The following AGBL4 variants were observed in gnomAD, a reference collection of about 807,000 sequenced individuals.
AGBL4 encodes cytosolic carboxypeptidase 6.
AGBL4 carries 58 observed loss-of-function variants against 66.4 expected under a neutral mutation model. The ratio of observed to expected loss-of-function variants is 0.87; its 90% CI spans 0.71 to 1.09. The LOEUF (loss-of-function observed/expected upper bound fraction) is 1.09, where lower values mean the gene tolerates loss of function less well. Among genes scored for constraint, AGBL4 ranks in the 50% least tolerant of loss-of-function variants. The probability of loss-of-function intolerance (pLI) is 0.00; values close to 1 mark genes in which losing one functional copy is unlikely to be tolerated. For synonymous variants in AGBL4, 234 were observed against 222.9 expected, an observed-to-expected ratio of 1.05 and a Z score of -0.44; for missense variants, 579 against 631.0, an observed-to-expected ratio of 0.92 and a Z score of 0.88.
chr1:49,434,276 G>T (rs1645851230), intron 3 of AGBL4, among the ~76,000 whole-genome samples: 1 of 152,066 alleles, frequency 6.6e-6, no homozygotes, highest in Admixed American at 6.6e-5. Flanking sequence ...GAAGATTGCT[G>T]GATTGGTGGA....
At chr1:49,995,396 C>A (rs1384926189) in intron 1 of AGBL4, 1 of 422,008 alleles carries the variant, frequency 2.4e-6, no homozygotes. Flanking sequence ...TCCCTGGCCA[C>A]CTGTATGATG....
intron 5 of AGBL4, among the ~76,000 whole-genome samples, chr1:48,939,294 G>A (rs916594410): frequency 2.6e-5 from 4 of 152,314 alleles, no homozygotes; most frequent in South Asian, 2.1e-4. Context: ...ATCACATAAC[G>A]TGTAGACAGG....
chr1:49,544,050 C>T (rs1487591711), intron 3 of AGBL4, among the ~76,000 whole-genome samples: 1 of 152,182 alleles, frequency 6.6e-6, no homozygotes, highest in Non-Finnish European at 1.5e-5. Context: ...TGACACTGTG[C>T]CTGCGCTGCC....
chr1:49,609,473 T>TA (rs34332675), intron 3 of AGBL4, among the ~76,000 whole-genome samples: 2 of 152,028 alleles, frequency 1.3e-5, no homozygotes, highest in Non-Finnish European at 2.9e-5. Context: ...AATCAAAGGG[T>TA]AAAAAGGCAC....
At chr1:49,660,937 A>T (rs1646257097) in intron 3 of AGBL4, among the ~76,000 whole-genome samples, 1 of 151,324 alleles carries the variant, frequency 6.6e-6, no homozygotes. Flanking sequence ...AACAACACAC[A>T]CTGTGGCCTG....
intron 4 of AGBL4, among the ~76,000 whole-genome samples, chr1:49,204,442 GAA>G (rs951251187): frequency 1.4e-4 from 20 of 146,796 alleles, no homozygotes; most frequent in African/African-American, 5.0e-4. Context: ...GGCTAGTTAA[GAA>G]AAAAAAAAAT....
chr1:49,745,069 T>C lies in AGBL4; in HGVS notation c.158-47632A>G, dbSNP rs137938652. On this transcript the variant is annotated intron_variant, in intron 2 of 13. Coordinates refer to ENST00000371839, the MANE Select transcript of AGBL4 (RefSeq NM_032785.4). ...ATATAAATTCTACTTCATCATTCAT[T>C]AAATTAAATGTAAATGGATTAAGCA... Among the ~76,000 whole-genome samples, 59 of 152,210 alleles carry C rather than the reference T, an allele frequency of 3.9e-4. 1 individual carries two copies. In the East Asian group the frequency reaches 0.011, roughly 28 times the overall value.
At chr1:48,899,896 T>A (rs1651918116) in intron 5 of AGBL4, among the ~76,000 whole-genome samples, 1 of 152,184 alleles carries the variant, frequency 6.6e-6, no homozygotes, top group African/African-American at 2.4e-5. Flanking sequence ...TGTATATGAT[T>A]TCACCCTTTA....
At chr1:49,227,286 T>C (rs1242284428) in intron 4 of AGBL4, among the ~76,000 whole-genome samples, 1 of 152,242 alleles carries the variant, frequency 6.6e-6, no homozygotes, top group Non-Finnish European at 1.5e-5. Flanking sequence ...ATGGTGTTGA[T>C]ACACAATAGG....
chr1:49,755,273 G>A (rs1651806624), intron 2 of AGBL4, among the ~76,000 whole-genome samples: 1 of 151,956 alleles, frequency 6.6e-6, no homozygotes, highest in Non-Finnish European at 1.5e-5. Context: ...TCCTAATTAA[G>A]AATATGATCT....
At chr1:49,060,467 A>G (rs954713258) in intron 4 of AGBL4, among the ~76,000 whole-genome samples, 1 of 152,136 alleles carries the variant, frequency 6.6e-6, no homozygotes, top group African/African-American at 2.4e-5. Context: ...GCCTCATGAG[A>G]TAAGAGATTT....
intron 3 of AGBL4, among the ~76,000 whole-genome samples, chr1:49,547,144 A>T (rs1570998380): frequency 6.6e-6 from 1 of 152,156 alleles, no homozygotes; most frequent in East Asian, 1.9e-4. Context: ...CATGTCTTAG[A>T]TTTAATCCTT....
At chr1:49,093,021 A>G (rs545785599) in intron 4 of AGBL4, among the ~76,000 whole-genome samples, 1 of 152,152 alleles carries the variant, frequency 6.6e-6, no homozygotes, top group East Asian at 1.9e-4. Flanking sequence ...GGGAAAAGAC[A>G]TAAAATCCTG....
intron 11 of AGBL4, among the ~76,000 whole-genome samples, chr1:48,554,295 T>G (rs1472651030): frequency 3.3e-5 from 5 of 152,166 alleles, no homozygotes; most frequent in Non-Finnish European, 5.9e-5. Flanking sequence ...AGACCTATAT[T>G]TGAGCAACAG....
At chr1:49,841,549 A>G (rs1291678552) in intron 2 of AGBL4, among the ~76,000 whole-genome samples, 6 of 152,192 alleles carry the variant, frequency 3.9e-5, no homozygotes, top group Non-Finnish European at 8.8e-5. Context: ...ATCCTAAGAA[A>G]AAAGAACAAG....
intron 3 of AGBL4, among the ~76,000 whole-genome samples, chr1:49,566,239 G>T (rs548359079): frequency 6.6e-6 from 1 of 152,032 alleles, no homozygotes; most frequent in East Asian, 1.9e-4. Flanking sequence ...TTTGCCATTG[G>T]TTCGAATTTC....
At chr1:49,777,014 T>C (rs1644214343) in intron 2 of AGBL4, among the ~76,000 whole-genome samples, 2 of 152,150 alleles carry the variant, frequency 1.3e-5, no homozygotes, top group Admixed American at 6.6e-5. Context: ...ATTCAATAAA[T>C]ATTTATTAAA....
chr1:49,394,450 A>T (rs912420296), intron 3 of AGBL4, among the ~76,000 whole-genome samples: 1 of 152,082 alleles, frequency 6.6e-6, no homozygotes, highest in African/African-American at 2.4e-5. Flanking sequence ...TCCAGTTTTT[A>T]AAGCTGAGCA....
At chr1:48,882,077 G>A (rs1649843062) in intron 5 of AGBL4, among the ~76,000 whole-genome samples, 1 of 152,186 alleles carries the variant, frequency 6.6e-6, no homozygotes, top group African/African-American at 2.4e-5. Context: ...TGGAATTCCT[G>A]GGCAAGAGTC....
Sources: allele counts gnomAD v4.1 joint callset (sites outside exome capture counted in the v4.1 genomes callset), GRCh38; gene constraint gnomAD v4.1.1; transcripts MANE v1.5; gene names NCBI Gene and HGNC (gene_info 2026-07-23, HGNC 2026-07-21).